ARHGEF7: variants seen among roughly 807,000 people sequenced by gnomAD.
ARHGEF7 encodes Rho guanine nucleotide exchange factor 7, also known as PAK-interacting exchange factor beta.
In ARHGEF7, 33 loss-of-function variants were observed where a neutral mutation model predicts 109.8. The ratio of observed to expected loss-of-function variants is 0.30; its 90% CI spans 0.23 to 0.40. ARHGEF7 has a LOEUF of 0.40. Ranked by LOEUF, ARHGEF7 falls within the 10% of genes least tolerant of loss-of-function variation. The pLI, the probability that ARHGEF7 is intolerant of heterozygous loss-of-function variation, is 1.00. For missense variants in ARHGEF7, 938 were observed against 1,098.5 expected, an observed-to-expected ratio of 0.85 and a Z score of 2.07; for synonymous variants, 458 against 424.6, an observed-to-expected ratio of 1.08 and a Z score of -0.97.
chr13:111,156,437 A>G (rs1161394179), intron 2 of ARHGEF7, among the ~76,000 whole-genome samples: 1 of 152,256 alleles, frequency 6.6e-6, no homozygotes, highest in African/African-American at 2.4e-5. Context: ...GCATTCTTCA[A>G]GCTTAGTGTG....
At chr13:111,205,014 C>CCCGCT (rs1433054018) in intron 2 of ARHGEF7, among the ~76,000 whole-genome samples, 3 of 152,178 alleles carry the variant, frequency 2.0e-5, no homozygotes, top group Non-Finnish European at 4.4e-5. Context: ...CCCGCCCCGC[C>CCCGCT]CCCGTGAATG....
At chr13:111,221,445 CTA>C (rs1312782041) in intron 5 of ARHGEF7, among the ~76,000 whole-genome samples, 5 of 61,534 alleles carry the variant, frequency 8.1e-5, no homozygotes, top group African/African-American at 3.1e-4. Flanking sequence ...ATATATATAT[CTA>C]TATATATAGA....
intron 8 of ARHGEF7, among the ~76,000 whole-genome samples, chr13:111,246,688 T>C (rs2088908396): frequency 6.6e-6 from 1 of 152,238 alleles, no homozygotes; most frequent in African/African-American, 2.4e-5. Context: ...AAAGAATAGC[T>C]TGGGAATCAC....
At chr13:111,165,657 T>G (rs2077069725) in intron 2 of ARHGEF7, among the ~76,000 whole-genome samples, 1 of 152,194 alleles carries the variant, frequency 6.6e-6, no homozygotes. Context: ...TTGAACCGAC[T>G]CAGTATAGCC....
intron 16 of ARHGEF7, among the ~76,000 whole-genome samples, chr13:111,284,120 T>G (rs562893040): frequency 6.6e-6 from 1 of 152,070 alleles, no homozygotes; most frequent in African/African-American, 2.4e-5. Context: ...TGGTGAGGTA[T>G]GAGGAGTGGC....
intron 2 of ARHGEF7, among the ~76,000 whole-genome samples, chr13:111,172,623 G>A (rs963036120): frequency 6.6e-6 from 1 of 152,204 alleles, no homozygotes; most frequent in African/African-American, 2.4e-5. Flanking sequence ...TTTTCTTGCA[G>A]TAAATTTGAA....
rs575889950 is a variant in ARHGEF7 at position 111,258,621 on chromosome 13, C to A, written c.951-8927C>A. 1.6e-4 allele frequency among the ~76,000 whole-genome samples: 24 copies of A among 152,182 alleles called. No individual in the cohort carries two copies. Among genetic ancestry groups the A allele is most frequent in the Non-Finnish European group, 8.8e-5 (6 of 68,008 alleles). ...CTCACCATGGGTCTTGCATGAGACTCAAAGACGAGCTGGCTTCAAATGTGA... is the reference window on the plus strand; with the variant it reads ...CTCACCATGGGTCTTGCATGAGACTAAAAGACGAGCTGGCTTCAAATGTGA... On this transcript the variant is annotated intron_variant, in intron 8 of 21. Transcript: ENST00000646102. The surrounding 1 kb of genome is among the most constrained non-coding windows in gnomAD (Gnocchi z 4.4).
At chr13:111,190,298 C>T (rs539190717) in intron 2 of ARHGEF7, among the ~76,000 whole-genome samples, 34 of 151,920 alleles carry the variant, frequency 2.2e-4, no homozygotes, top group Admixed American at 1.1e-3. Flanking sequence ...TCCAGAGGTT[C>T]GTATAAGAGT....
chr13:111,211,161 C>A (rs1302180430), intron 4 of ARHGEF7, among the ~76,000 whole-genome samples: 1 of 152,174 alleles, frequency 6.6e-6, no homozygotes, highest in Non-Finnish European at 1.5e-5. Flanking sequence ...CTCACAGCAG[C>A]CCCGAGAGGC....
At chr13:111,236,558 T>TTCCCATA (rs1167500558) in intron 6 of ARHGEF7, among the ~76,000 whole-genome samples, 1 of 152,266 alleles carries the variant, frequency 6.6e-6, no homozygotes, top group Non-Finnish European at 1.5e-5. Flanking sequence ...TAGTCACTGA[T>TTCCCATA]GTCTATTTTT....
intron 1 of ARHGEF7, among the ~76,000 whole-genome samples, chr13:111,152,086 G>A (rs2075919368): frequency 6.6e-6 from 1 of 152,128 alleles, no homozygotes; most frequent in South Asian, 2.1e-4. Context: ...TATTTGTAGA[G>A]GTTACTTGCC....
At chr13:111,121,595 C>T (rs556785136) in intron 1 of ARHGEF7, among the ~76,000 whole-genome samples, 2 of 152,206 alleles carry the variant, frequency 1.3e-5, no homozygotes, top group African/African-American at 4.8e-5. Flanking sequence ...TTGACGCCCA[C>T]GCGTCTCTCA....
intron 2 of ARHGEF7, among the ~76,000 whole-genome samples, chr13:111,200,163 C>A (rs61476993): frequency 0.018 from 2,744 of 152,122 alleles, 91 homozygotes; most frequent in African/African-American, 0.063. Context: ...GGGAGGGGTC[C>A]TTACCAGCCT....
At chr13:111,192,695 A>G (rs1006895108) in intron 2 of ARHGEF7, among the ~76,000 whole-genome samples, 1 of 152,132 alleles carries the variant, frequency 6.6e-6, no homozygotes, top group African/African-American at 2.4e-5. Flanking sequence ...AGTGAAGGTG[A>G]TATTGTATCC....
chr13:111,246,150 G>A lies in ARHGEF7; in HGVS notation c.950+1856G>A, dbSNP rs114413662. Among the ~76,000 whole-genome samples, 891 of 152,316 alleles carry A rather than the reference G, an allele frequency of 5.8e-3. 7 individuals carry two copies. The highest frequency in any genetic ancestry group is 0.02 in the African/African-American group (832 of 41,558). ...AGGATATTTGTTAATTTCCTGCCAG[G>A]TGACTTAGAACAGTAGTGCACATGG... is the stretch of plus-strand genomic sequence containing the variant. On this transcript the variant is annotated intron_variant, in intron 8 of 21. Transcript: ENST00000646102.
At chr13:111,256,368 G>A (rs1346894640) in intron 8 of ARHGEF7, among the ~76,000 whole-genome samples, 5 of 152,216 alleles carry the variant, frequency 3.3e-5, no homozygotes. Context: ...CTTTCATAGA[G>A]GGTTACCTAT....
rs78045018 is a variant in ARHGEF7 at position 111,239,140 on chromosome 13, C to T, written c.760-4732C>T. On this transcript the variant is annotated intron_variant, in intron 6 of 21. Transcript: ENST00000646102. This position sits in a 1 kb window ranked among gnomAD's most constrained non-coding sequence, Gnocchi z 4.3. ...GCGTGCCCCTGCTCCCCCACACCCCCGTGCCATGATTCAGTTACCTCCACC... is the reference window on the plus strand; with the variant it reads ...GCGTGCCCCTGCTCCCCCACACCCCTGTGCCATGATTCAGTTACCTCCACC... Among the ~76,000 whole-genome samples, 1,547 of 152,240 alleles carry T rather than the reference C, an allele frequency of 0.01. 19 individuals are homozygous for T. Among genetic ancestry groups the T allele is most frequent in the African/African-American group, 0.033 (1,364 of 41,534 alleles).
intron 5 of ARHGEF7, among the ~76,000 whole-genome samples, chr13:111,230,700 C>A (rs903361609): frequency 6.6e-6 from 1 of 152,074 alleles, no homozygotes; most frequent in Non-Finnish European, 1.5e-5. Flanking sequence ...AGCAAGGGCA[C>A]GTTGTGGGTG....
intron 2 of ARHGEF7, among the ~76,000 whole-genome samples, chr13:111,171,352 AGGTG>A (rs1197172076): frequency 6.6e-6 from 1 of 152,240 alleles, no homozygotes; most frequent in African/African-American, 2.4e-5. Context: ...GCAGGAGTAC[AGGTG>A]TCTGAACAGA....
Sources: gnomAD v4.1 joint callset for allele counts (sites outside exome capture counted in the v4.1 genomes callset) on GRCh38, gnomAD v4.1.1 for gene constraint, Gnocchi (gnomAD v3.1) non-coding constraint, MANE v1.5 for transcripts, NCBI Gene and HGNC (gene_info 2026-07-23, HGNC 2026-07-21) for gene names.